The following PSMD1 variants were observed in gnomAD, a reference collection of about 807,000 sequenced individuals.
The protein encoded by PSMD1 is 26S proteasome non-ATPase regulatory subunit 1.
PSMD1 carries 18 observed loss-of-function variants against 119.0 expected under a neutral mutation model. The observed-to-expected ratio is 0.15, with a 90% CI of 0.10 to 0.22. PSMD1 has a LOEUF of 0.22. Among genes scored for constraint, PSMD1 ranks in the 10% least tolerant of loss-of-function variants. PSMD1 has a pLI of 1.00. For synonymous variants in PSMD1, 374 were observed against 396.6 expected (o/e 0.94, Z 0.68); for missense variants, 702 against 1,158.5 (o/e 0.61, Z 5.72).
At chr2:231,091,578 C>A (rs569057154) in intron 16 of PSMD1, among the ~76,000 whole-genome samples, 1 of 152,234 alleles carries the variant, frequency 6.6e-6, no homozygotes, top group Admixed American at 6.5e-5. Context: ...GCTTTGCATC[C>A]TAGAATTAGT....
At chr2:231,063,071 G>A (rs141244296) in intron 4 of PSMD1, among the ~76,000 whole-genome samples, 89 of 152,202 alleles carry the variant, frequency 5.8e-4, no homozygotes, top group African/African-American at 2.0e-3. Context: ...GGAGCTAGCC[G>A]TTTTACAGAT....
chr2:231,078,794 T>A, intron 10 of PSMD1, 47 bp downstream of exon 10: 15 of 970,112 alleles, frequency 1.5e-5, no homozygotes, highest in Non-Finnish European at 2.2e-5. Context: ...TCTTTTTCTT[T>A]TTTTTTTTTT....
chr2:231,108,376 A>T (rs1695026811), intron 16 of PSMD1: 1 of 646,332 alleles, frequency 1.5e-6, no homozygotes, highest in Non-Finnish European at 2.6e-6. Flanking sequence ...GGAAAATTAG[A>T]TATTCTTAAT....
At chr2:231,139,314 C>CTTT (rs60709158) in intron 17 of PSMD1, among the ~76,000 whole-genome samples, 739 of 93,322 alleles carry the variant, frequency 7.9e-3, no homozygotes, top group Middle Eastern at 0.018. Flanking sequence ...TTTTTTCTTT[C>CTTT]TTTTTTTTTT....
chr2:231,136,984 TA>T (rs1695982465), intron 16 of PSMD1, among the ~76,000 whole-genome samples: 1 of 145,116 alleles, frequency 6.9e-6, no homozygotes, highest in Non-Finnish European at 1.5e-5. Context: ...ATATATTATA[TA>T]ATTATAATAT....
intron 16 of PSMD1, among the ~76,000 whole-genome samples, chr2:231,116,580 A>T (rs1695341764): frequency 6.6e-6 from 1 of 152,048 alleles, no homozygotes; most frequent in Admixed American, 6.6e-5. Context: ...TTCATATAAA[A>T]AGTACGTGTC....
chr2:231,108,674 T>G, intron 16 of PSMD1: 1 of 1,614,168 alleles, frequency 6.2e-7, no homozygotes, highest in Non-Finnish European at 8.5e-7. Flanking sequence ...AATTCCATGT[T>G]TCTTGAAAAA....
intron 17 of PSMD1, among the ~76,000 whole-genome samples, chr2:231,142,363 G>C (rs948814252): frequency 2.6e-5 from 4 of 152,070 alleles, no homozygotes; most frequent in African/African-American, 9.7e-5. Context: ...GAAGAATATA[G>C]TTGTATGTTT....
intron 6 of PSMD1, 34 bp downstream of exon 6, chr2:231,070,202 T>C: frequency 1.3e-6 from 2 of 1,487,696 alleles, no homozygotes; most frequent in Non-Finnish European, 1.8e-6. Context: ...ATTACATTGC[T>C]CCACGCTGTA....
intron 4 of PSMD1, 121 bp from the exon 5 acceptor site, chr2:231,066,785 A>G: frequency 1.3e-6 from 1 of 752,598 alleles, no homozygotes; most frequent in Non-Finnish European, 2.1e-6. Flanking sequence ...CTAGCATTTC[A>G]AAATTTGCTT....
At chr2:231,093,342 GAGC>G (rs1694645707) in intron 16 of PSMD1, among the ~76,000 whole-genome samples, 1 of 152,178 alleles carries the variant, frequency 6.6e-6, no homozygotes, top group African/African-American at 2.4e-5. Flanking sequence ...TCTGTGTCTG[GAGC>G]AGGATTCGCT....
At chr2:231,093,081 G>T (rs111581018) in intron 16 of PSMD1, among the ~76,000 whole-genome samples, 2 of 152,142 alleles carry the variant, frequency 1.3e-5, no homozygotes, top group African/African-American at 4.8e-5. Context: ...TGGGAAGGGG[G>T]TGTCTGCCCA....
intron 16 of PSMD1, chr2:231,123,934 C>G (rs1695647698): frequency 1.5e-6 from 1 of 660,906 alleles, no homozygotes; most frequent in African/African-American, 1.8e-5. Context: ...TGAGCGCATA[C>G]ACACATCTGT....
At chr2:231,074,900 C>A (rs1167651307) in intron 7 of PSMD1, among the ~76,000 whole-genome samples, 1 of 152,170 alleles carries the variant, frequency 6.6e-6, no homozygotes, top group Non-Finnish European at 1.5e-5. Flanking sequence ...GCGATCATAG[C>A]TCACTGCAAC....
intron 20 of PSMD1, 128 bp downstream of exon 20, chr2:231,161,637 C>T: frequency 9.3e-7 from 1 of 1,074,236 alleles, no homozygotes. Context: ...AACATTTTCC[C>T]TTCAAGTTGA....
chr2:231,079,674 AG>A (rs1559222061), intron 11 of PSMD1, 60 bp downstream of exon 11: 1 of 1,090,028 alleles, frequency 9.2e-7, no homozygotes. Flanking sequence ...TCTGGGGTTA[AG>A]AAAAAATAAC....
chr2:231,076,604 A>G (rs1303681813), intron 8 of PSMD1, among the ~76,000 whole-genome samples: 2 of 152,162 alleles, frequency 1.3e-5, no homozygotes, highest in Non-Finnish European at 2.9e-5. Flanking sequence ...CAGTGAGCCA[A>G]GATTGCACCA....
chr2:231,105,915 G>C (rs1694963247), intron 16 of PSMD1, among the ~76,000 whole-genome samples: 1 of 148,262 alleles, frequency 6.7e-6, no homozygotes, highest in Non-Finnish European at 1.5e-5. Context: ...TTGTGTTTCT[G>C]TCTGGGTGCT....
intron 16 of PSMD1, among the ~76,000 whole-genome samples, chr2:231,096,593 G>A (rs1694732825): frequency 6.6e-6 from 1 of 152,180 alleles, no homozygotes. Context: ...TAAAGTTTCG[G>A]TGCCACAAAA....
Sources: gnomAD v4.1 joint callset for allele counts (sites outside exome capture counted in the v4.1 genomes callset) on GRCh38, gnomAD v4.1.1 for gene constraint, MANE v1.5 for transcripts, NCBI Gene and HGNC (gene_info 2026-07-23, HGNC 2026-07-21) for gene names.